ANKRD36: variants seen among roughly 807,000 people sequenced by gnomAD.
The protein encoded by ANKRD36 is ankyrin repeat domain 36, also known as ankyrin repeat domain-containing protein 36A.
A neutral mutation model predicts 278.1 loss-of-function variants in ANKRD36; 179 were observed. The ratio of observed to expected loss-of-function variants is 0.64; its 90% confidence interval spans 0.57 to 0.73. ANKRD36 has a LOEUF of 0.73. Among genes scored for constraint, ANKRD36 ranks in the 30% least tolerant of loss-of-function variants. The probability of loss-of-function intolerance (pLI) is 0.00; values close to 1 mark genes in which losing one functional copy is unlikely to be tolerated. For synonymous variants in ANKRD36, 320 were observed against 641.1 expected, an observed-to-expected ratio of 0.50 and a Z score of 7.57; for missense variants, 1,159 against 1,956.7, an observed-to-expected ratio of 0.59 and a Z score of 7.69.
intron 54 of ANKRD36, among the ~76,000 whole-genome samples, chr2:97,208,510 T>A: frequency 6.8e-6 from 1 of 146,322 alleles, no homozygotes; most frequent in East Asian, 2.0e-4. Flanking sequence ...TATATAATTT[T>A]GGAGTTTCTG....
chr2:97,224,431 G>GT (rs1280256995), intron 66 of ANKRD36, among the ~76,000 whole-genome samples: 10 of 149,764 alleles, frequency 6.7e-5, no homozygotes, highest in South Asian at 2.1e-4. Context: ...AAAGACTATC[G>GT]TTTTGTTTTT....
intron 50 of ANKRD36, among the ~76,000 whole-genome samples, chr2:97,204,655 C>T (rs1201189383): frequency 6.6e-6 from 1 of 151,500 alleles, no homozygotes; most frequent in Non-Finnish European, 1.5e-5. Context: ...TTGTAACAAC[C>T]CGTAGACACT....
At chr2:97,221,805 G>T (rs1261530170) in intron 66 of ANKRD36, among the ~76,000 whole-genome samples, 2 of 146,946 alleles carry the variant, frequency 1.4e-5, no homozygotes, top group Admixed American at 1.4e-4. Flanking sequence ...TGTCAATTTT[G>T]GCTTTTGTTG....
At chr2:97,171,046 A>C (rs1322933932) in intron 22 of ANKRD36, among the ~76,000 whole-genome samples, 3 of 150,876 alleles carry the variant, frequency 2.0e-5, no homozygotes, top group Non-Finnish European at 2.9e-5. Flanking sequence ...AAAAGTCAGG[A>C]AACAACAGGT....
chr2:97,188,285 G>A (rs1213988092), intron 32 of ANKRD36, among the ~76,000 whole-genome samples: 1 of 151,406 alleles, frequency 6.6e-6, no homozygotes, highest in Non-Finnish European at 1.5e-5. Flanking sequence ...TCCTAAAATG[G>A]TAATTTTCAA....
In ANKRD36 at chr2:97,226,923, A is replaced by C. The variant is rs375141505; in HGVS notation, c.3951+2044A>C. Among the ~76,000 whole-genome samples, 335 of 152,000 alleles carry C rather than the reference A, an allele frequency of 2.2e-3. 15 individuals are homozygous for C. The East Asian group carries it at 0.043, about 19-fold the overall frequency. On this transcript the variant is annotated intron_variant, in intron 67 of 75. Transcript: ENST00000420699. ...CTTGTTTTTCTCAGGGTTGTCAAAG[A>C]TCAGATAGTTGTAGATATGCGGCGT...
intron 46 of ANKRD36, among the ~76,000 whole-genome samples, chr2:97,201,058 ACT>A (rs1436806348): frequency 6.6e-6 from 1 of 151,844 alleles, no homozygotes; most frequent in African/African-American, 2.4e-5. Flanking sequence ...ACCTGAGTGA[ACT>A]CACTTCAGAT....
At chr2:97,233,935 TTAACACTGTACC>T in intron 68 of ANKRD36, 64 bp downstream of exon 68, 3 of 733,702 alleles carry the variant, frequency 4.1e-6, no homozygotes, top group Non-Finnish European at 6.1e-6. Flanking sequence ...CACACATTGC[TTAACACTGTACC>T]ATAGAGTACT....
At position 97,191,018 on chromosome 2, in the gene ANKRD36, C is replaced by G. The variant is rs572313726; in HGVS notation, c.2274+12C>G. The G allele has an allele frequency of 2.5e-6, 4 of 1,604,862 alleles. No individual in the cohort carries two copies. The highest frequency in any genetic ancestry group is 2.7e-5 in the African/African-American group (2 of 74,516). On this transcript the variant is annotated intron_variant, in intron 35 of 75. Transcript: ENST00000420699. ...AACCAGCCTTGAAGGTAATTAAACTCTCATTTATATTGTGAACTAGTAAAT... is the reference window on the plus strand; with the variant it reads ...AACCAGCCTTGAAGGTAATTAAACTGTCATTTATATTGTGAACTAGTAAAT...
rs111705286 is a variant in ANKRD36 at position 97,208,042 on chromosome 2, G to C, written c.3265+36G>C. ...AAAGAGATTTAATGTCATGTTCAGT[G>C]CAGATAGATAAGAAGTTCTCTTCCC... On this transcript the variant is annotated intron_variant, in intron 54 of 75. Transcript: ENST00000420699. The C allele has an allele frequency of 1.0e-5, 15 of 1,480,240 alleles. No homozygotes were observed. The Admixed American group carries it at 1.7e-4, about 17-fold the overall frequency. The allele number at this position is 1,480,240 out of a possible 1,614,324, so 91.7% of individuals were successfully genotyped here.
intron 22 of ANKRD36, among the ~76,000 whole-genome samples, chr2:97,176,139 T>C (rs1489584897): frequency 1.3e-5 from 2 of 151,890 alleles, no homozygotes; most frequent in Non-Finnish European, 2.9e-5. Flanking sequence ...GTCTATTAGG[T>C]CCACTTGGTG....
At chr2:97,227,573 AG>A (rs1429156745) in intron 67 of ANKRD36, among the ~76,000 whole-genome samples, 1 of 152,108 alleles carries the variant, frequency 6.6e-6, no homozygotes, top group Admixed American at 6.5e-5. Context: ...GTCTGCAAAC[AG>A]GGACAATTTG....
rs781290943 is a variant in ANKRD36, at chr2:97,191,000, C to G, written c.2268C>G (p.Ala756=). ...CAGTGTCTTCTCAGAAACAACCAGC[C>G]TTGAAGGTAATTAAACTCTCATTTA... The part of the protein sequence containing the change: ...SGTVSSQKQP[A]LKATTDEKDS... Residue 756 remains alanine, a synonymous_variant, in exon 35 of 76, where the codon GCC becomes GCG. Coordinates refer to ENST00000420699, the MANE Select transcript of ANKRD36 (RefSeq NM_001354587.1). The G allele has an allele frequency of 2.5e-6, 4 of 1,604,988 alleles. No individual in the cohort carries two copies. In the South Asian group the frequency reaches 3.3e-5, roughly 13 times the overall value.
intron 4 of ANKRD36, among the ~76,000 whole-genome samples, chr2:97,123,941 T>C (rs929843493): frequency 1.6e-5 from 2 of 125,370 alleles, no homozygotes; most frequent in Non-Finnish European, 3.5e-5. Flanking sequence ...GAAGGATATA[T>C]TATTATCCTC....
chr2:97,190,395 G>A (rs1275439601), intron 34 of ANKRD36, among the ~76,000 whole-genome samples: 1 of 110,378 alleles, frequency 9.1e-6, no homozygotes, highest in African/African-American at 2.5e-5. Flanking sequence ...ACAACACATG[G>A]GTGTGAGAGA....
intron 67 of ANKRD36, among the ~76,000 whole-genome samples, chr2:97,230,711 C>T (rs1468181276): frequency 5.5e-4 from 83 of 152,054 alleles, no homozygotes; most frequent in Non-Finnish European, 7.6e-4. Flanking sequence ...AGAGGAGAGG[C>T]GCTCTGCTTT....
intron 6 of ANKRD36, among the ~76,000 whole-genome samples, chr2:97,135,638 C>T (rs1219714450): frequency 1.3e-5 from 2 of 150,818 alleles, no homozygotes; most frequent in Non-Finnish European, 3.0e-5. Context: ...ATCCTGGATC[C>T]GTGAACCATG....
chr2:97,191,525 C>A (rs893607499), intron 36 of ANKRD36, among the ~76,000 whole-genome samples: 1 of 151,590 alleles, frequency 6.6e-6, no homozygotes, highest in African/African-American at 2.4e-5. Flanking sequence ...ATTTTACAAA[C>A]GTCACATCGT....
At chr2:97,193,634 T>A (rs1341477131) in intron 38 of ANKRD36, among the ~76,000 whole-genome samples, 1 of 151,584 alleles carries the variant, frequency 6.6e-6, no homozygotes, top group African/African-American at 2.4e-5. Flanking sequence ...TATTTGCTTT[T>A]GGCTACTCCA....
Sources: gnomAD v4.1 joint callset for allele counts (sites outside exome capture counted in the v4.1 genomes callset) on GRCh38, gnomAD v4.1.1 for gene constraint, MANE v1.5 for transcripts, NCBI Gene and HGNC (gene_info 2026-07-23, HGNC 2026-07-21) for gene names.